The following CDH8 variants were observed in gnomAD, a reference collection of about 807,000 sequenced individuals.
The protein encoded by CDH8 is cadherin-8.
CDH8 carries 17 observed loss-of-function variants against 68.1 expected under a neutral mutation model. The observed-to-expected ratio is 0.25, with a 90% CI of 0.17 to 0.37. The LOEUF (loss-of-function observed/expected upper bound fraction) is 0.37. Ranked by LOEUF, CDH8 falls within the 10% of genes least tolerant of loss-of-function variation. CDH8 has a pLI of 1.00. For synonymous variants in CDH8, 372 were observed against 365.1 expected (o/e 1.02, Z -0.21); for missense variants, 763 against 999.3 (o/e 0.76, Z 3.19).
At chr16:61,751,402 A>C (rs1323795079) in intron 8 of CDH8, among the ~76,000 whole-genome samples, 1 of 149,680 alleles carries the variant, frequency 6.7e-6, no homozygotes, top group African/African-American at 2.4e-5. Flanking sequence ...AAAAAAAAAA[A>C]AAAAAAAAAC....
At chr16:61,676,124 G>C (rs1963904588) in intron 10 of CDH8, among the ~76,000 whole-genome samples, 1 of 139,396 alleles carries the variant, frequency 7.2e-6, no homozygotes, top group African/African-American at 2.7e-5. Context: ...AACTTAGTAA[G>C]ATACAAACTA....
At chr16:61,930,270 AACACACACACACACACACACACAC>A (rs369686237) in intron 2 of CDH8, among the ~76,000 whole-genome samples, 2 of 144,260 alleles carry the variant, frequency 1.4e-5, no homozygotes, top group Non-Finnish European at 3.1e-5. Flanking sequence ...AAAGTTAGAA[AACACACACACACACACACACACAC>A]ACACACACAC....
intron 2 of CDH8, among the ~76,000 whole-genome samples, chr16:61,990,347 C>A (rs1244947434): frequency 8.5e-6 from 1 of 117,432 alleles, no homozygotes; most frequent in Non-Finnish European, 1.6e-5. Flanking sequence ...CTAAGTCTCA[C>A]TCTGTCACCC....
At chr16:61,854,417 C>A (rs1308170059) in intron 4 of CDH8, among the ~76,000 whole-genome samples, 1 of 152,024 alleles carries the variant, frequency 6.6e-6, no homozygotes, top group Non-Finnish European at 1.5e-5. Flanking sequence ...TTGTTTTGGT[C>A]AAGATGTTGT....
intron 7 of CDH8, among the ~76,000 whole-genome samples, chr16:61,792,039 T>C (rs932876503): frequency 2.6e-5 from 4 of 152,008 alleles, no homozygotes; most frequent in Non-Finnish European, 4.4e-5. Context: ...TCATCTCCCA[T>C]TAAATGATAT....
rs570809530 is a variant in CDH8, at chr16:61,914,631, C to A, written c.253-13158G>T. Among the ~76,000 whole-genome samples, 16 of 150,962 alleles carry A rather than the reference C, an allele frequency of 1.1e-4. 1 individual carries two copies. The South Asian group carries it at 3.1e-3, about 30-fold the overall frequency. ...TGAGATGTGACCTTCCTGACTTTGA[C>A]AATGCAAGAATGATGCCACCAACAT... On this transcript the variant is annotated intron_variant, in intron 2 of 11. Coordinates refer to ENST00000577390, the MANE Select transcript of CDH8 (RefSeq NM_001796.5).
At chr16:61,887,687 T>G (rs929312392) in intron 3 of CDH8, among the ~76,000 whole-genome samples, 1 of 152,036 alleles carries the variant, frequency 6.6e-6, no homozygotes, top group Non-Finnish European at 1.5e-5. Flanking sequence ...AATCACAGTC[T>G]GAGATACTAA....
At chr16:61,878,278 T>G (rs1409163355) in intron 3 of CDH8, among the ~76,000 whole-genome samples, 1 of 152,234 alleles carries the variant, frequency 6.6e-6, no homozygotes, top group Non-Finnish European at 1.5e-5. Context: ...TTAACATAGC[T>G]TCACAGGCTT....
chr16:61,655,546 G>A lies in CDH8; in HGVS notation c.1830C>T (p.Val610=), dbSNP rs766269925. ...GTCCAATTGGAAGGACATAAGCTTC[G>A]ACATTGCAAGACTGGACGACACCGT... The part of the protein sequence containing the change: ...SNDGVVQSCN[V]EAYVLPIGLS... The change falls in exon 11 of 12, where the codon GTC becomes GTT. Residue 610 remains valine, a synonymous_variant. Coordinates refer to ENST00000577390, the MANE Select transcript of CDH8 (RefSeq NM_001796.5). The A allele has an allele frequency of 1.9e-6, 3 of 1,613,922 alleles. No individual in the cohort carries two copies. The highest frequency in any genetic ancestry group is 4.5e-5 in the East Asian group (2 of 44,846).
intron 10 of CDH8, among the ~76,000 whole-genome samples, chr16:61,671,501 T>A (rs1391212542): frequency 6.6e-6 from 1 of 151,756 alleles, no homozygotes; most frequent in Non-Finnish European, 1.5e-5. Context: ...GGAAATGTGG[T>A]ATCCTACAGT....
intron 2 of CDH8, among the ~76,000 whole-genome samples, chr16:61,940,962 C>A (rs1040357934): frequency 1.8e-4 from 27 of 152,134 alleles, no homozygotes; most frequent in African/African-American, 6.0e-4. Context: ...AGCAGCAATG[C>A]TAATAATAAG....
chr16:61,754,515 A>G (rs1486992328), intron 8 of CDH8, among the ~76,000 whole-genome samples: 4 of 151,874 alleles, frequency 2.6e-5, no homozygotes, highest in Non-Finnish European at 5.9e-5. Flanking sequence ...TTATATTTAT[A>G]TTATATATAA....
At chr16:61,963,157 T>G (rs1460547177) in intron 2 of CDH8, among the ~76,000 whole-genome samples, 2 of 152,136 alleles carry the variant, frequency 1.3e-5, no homozygotes, top group African/African-American at 4.8e-5. Context: ...TTTGGGAAAT[T>G]GAGTCTTCCC....
chr16:61,680,477 C>T (rs1040001715), intron 10 of CDH8, among the ~76,000 whole-genome samples: 1 of 151,800 alleles, frequency 6.6e-6, no homozygotes, highest in African/African-American at 2.4e-5. Context: ...TACAGTTTTC[C>T]CTACTTACCT....
intron 10 of CDH8, among the ~76,000 whole-genome samples, chr16:61,713,579 C>T (rs1362766477): frequency 2.0e-5 from 3 of 151,556 alleles, no homozygotes; most frequent in Non-Finnish European, 4.4e-5. Flanking sequence ...TTAAATTTTA[C>T]TCTTCATTTT....
At chr16:62,018,247 T>A (rs1901989855) in intron 2 of CDH8, among the ~76,000 whole-genome samples, 1 of 152,076 alleles carries the variant, frequency 6.6e-6, no homozygotes, top group Non-Finnish European at 1.5e-5. Flanking sequence ...TAAAAACAGA[T>A]GATGGATGCT....
chr16:61,879,308 T>C (rs1030291342), intron 3 of CDH8, among the ~76,000 whole-genome samples: 4 of 152,226 alleles, frequency 2.6e-5, no homozygotes. Context: ...AGAAAGGCCA[T>C]GAACACTTTC....
At chr16:61,842,054 AT>A (rs543607290) in intron 4 of CDH8, among the ~76,000 whole-genome samples, 261 of 132,356 alleles carry the variant, frequency 2.0e-3, no homozygotes, top group Middle Eastern at 7.8e-3. Flanking sequence ...CGCCCGGCTA[AT>A]TTTTTTTTTT....
chr16:61,701,428 T>A (rs968166557), intron 10 of CDH8, among the ~76,000 whole-genome samples: 3 of 152,204 alleles, frequency 2.0e-5, no homozygotes, highest in African/African-American at 7.2e-5. Flanking sequence ...TTTCTAAATG[T>A]TTCCTTTTCA....
Sources: gnomAD v4.1 joint callset for allele counts (sites outside exome capture counted in the v4.1 genomes callset) on GRCh38, gnomAD v4.1.1 for gene constraint, MANE v1.5 for transcripts, NCBI Gene and HGNC (gene_info 2026-07-23, HGNC 2026-07-21) for gene names.